The following PRDM5 variants were observed in gnomAD, a reference collection of about 807,000 sequenced individuals.
The protein encoded by PRDM5 is PR/SET domain 5, also known as PR domain zinc finger protein 5.
PRDM5 carries 56 observed loss-of-function variants against 81.2 expected under a neutral mutation model. The ratio of observed to expected loss-of-function variants is 0.69; its 90% CI spans 0.56 to 0.86. PRDM5 has a LOEUF of 0.86. Among genes scored for constraint, PRDM5 ranks in the 40% least tolerant of loss-of-function variants. PRDM5 has a pLI of 0.00. For missense variants in PRDM5, 697 were observed against 770.1 expected (o/e 0.91, Z 1.12); for synonymous variants, 267 against 256.4 (o/e 1.04, Z -0.39).
Position 120,798,251 on chromosome 4 carries a change from T to C in PRDM5, c.1188+16A>G, listed in dbSNP as rs373355801. 3 of 1,479,932 alleles carry C rather than the reference T, an allele frequency of 2.0e-6. No homozygotes were observed. Among genetic ancestry groups the C allele is most frequent in the Non-Finnish European group, 2.7e-6 (3 of 1,102,416 alleles). The allele number at this position is 1,479,932 out of a possible 1,614,324, so 91.7% of individuals were successfully genotyped here. A position where few individuals can be genotyped will look rare whatever the true frequency, so the allele number is the denominator to read the frequency against. On this transcript the variant is annotated intron_variant, in intron 10 of 15. Coordinates refer to ENST00000264808, the MANE Select transcript of PRDM5 (RefSeq NM_018699.4). The stretch of plus-strand genomic sequence containing the variant: ...GCAAATTCATAAAAAATAATAATAA[T>C]ATTAATAAGTTTTACCTTCTTATGA...
chr4:120,827,050 C>T (rs1227062691), intron 3 of PRDM5, among the ~76,000 whole-genome samples: 1 of 152,132 alleles, frequency 6.6e-6, no homozygotes, highest in Non-Finnish European at 1.5e-5. Context: ...GTCAACAAAT[C>T]TACAAAGTGA....
In PRDM5 at chr4:120,791,811, C is replaced by T. The variant is rs555009039; in HGVS notation, c.1188+6456G>A. Among the ~76,000 whole-genome samples, 19 of 152,292 alleles carry T rather than the reference C, an allele frequency of 1.2e-4. 1 individual carries two copies. In the East Asian group the frequency reaches 2.9e-3, roughly 23 times the overall value. On this transcript the variant is annotated intron_variant, in intron 10 of 15. Coordinates refer to ENST00000264808, the MANE Select transcript of PRDM5 (RefSeq NM_018699.4). The stretch of plus-strand genomic sequence containing the variant: ...GGGACCTCTAGGAAGTAATTAGGTT[C>T]TAAGGGTGGACGCTTTGTGAACTGG...
intron 11 of PRDM5, among the ~76,000 whole-genome samples, chr4:120,783,768 G>A (rs978927943): frequency 1.3e-5 from 2 of 152,082 alleles, no homozygotes; most frequent in African/African-American, 4.8e-5. Context: ...TAAGCTGAAT[G>A]CAGAATGACC....
intron 3 of PRDM5, among the ~76,000 whole-genome samples, chr4:120,821,827 C>T (rs1755319397): frequency 6.6e-6 from 1 of 151,448 alleles, no homozygotes; most frequent in Non-Finnish European, 1.5e-5. Context: ...TTACTGAAAC[C>T]TGGTCCCGAA....
At chr4:120,697,668 C>CTTT (rs1734691599) in intron 15 of PRDM5, among the ~76,000 whole-genome samples, 5 of 42,858 alleles carry the variant, frequency 1.2e-4, no homozygotes, top group Non-Finnish European at 3.4e-4. Flanking sequence ...GCCCAGCTAA[C>CTTT]TATTTTTTTT....
At position 120,705,824 on chromosome 4, in the gene PRDM5, G is replaced by A. The variant is rs573865908; in HGVS notation, c.1728+4485C>T. Among the ~76,000 whole-genome samples, 14 of 152,290 alleles carry A rather than the reference G, an allele frequency of 9.2e-5. No homozygotes were observed. The South Asian group carries it at 2.9e-3, about 32-fold the overall frequency. ...GAGAGAGAGCAGTTAAAAAGATATTGCAATATTCCAGGAGACTGAGATAAA... is the reference window on the plus strand; with the variant it reads ...GAGAGAGAGCAGTTAAAAAGATATTACAATATTCCAGGAGACTGAGATAAA... On this transcript the variant is annotated intron_variant, in intron 15 of 15. Transcript: ENST00000264808.
At position 120,912,396 on chromosome 4, in the gene PRDM5, G is replaced by A. The variant is rs113858515; in HGVS notation, c.94-4839C>T. 1.1e-3 allele frequency among the ~76,000 whole-genome samples: 168 copies of A among 152,232 alleles called. 2 individuals carry two copies. In the South Asian group the frequency reaches 0.014, roughly 12 times the overall value. On this transcript the variant is annotated intron_variant, in intron 1 of 15. Transcript: ENST00000264808. ...CAGACTGCAGGAATTATAGAAGATAGAGAAACAAGTTAAATAAAGCCCTGG... is the reference window on the plus strand; with the variant it reads ...CAGACTGCAGGAATTATAGAAGATAAAGAAACAAGTTAAATAAAGCCCTGG...
rs1309680813 is a variant in PRDM5, at chr4:120,818,425, G to A, written c.578C>T (p.Pro193Leu). The A allele has an allele frequency of 1.2e-6, 2 of 1,613,926 alleles. No homozygotes were observed. The highest frequency in any genetic ancestry group is 4.5e-5 in the East Asian group (2 of 44,858). Reference protein sequence around the residue: ...AEHLQTLHQKPTEEKEFKCKN... With the variant: ...AEHLQTLHQKLTEEKEFKCKN... Reference sequence around the variant, plus strand: ...GCACTTAAATTCTTTCTCCTCTGTGGGTTTCTGGTGCAATGTCTGGAGATG... The same window carrying A: ...GCACTTAAATTCTTTCTCCTCTGTGAGTTTCTGGTGCAATGTCTGGAGATG... Residue 193 changes from proline (P) to leucine (L), a missense_variant, in exon 5 of 16, where the codon CCC becomes CTC. By Grantham distance (98) the Pro-to-Leu change is moderately conservative. Around this residue, in one of 3 missense-constraint regions of PRDM5, gnomAD observed 577 missense variants for 606.7 expected, o/e 0.95. Transcript: ENST00000264808.
At chr4:120,773,551 T>TA (rs1403875522) in intron 13 of PRDM5, among the ~76,000 whole-genome samples, 1 of 152,128 alleles carries the variant, frequency 6.6e-6, no homozygotes, top group Non-Finnish European at 1.5e-5. Context: ...CACGCATGGG[T>TA]AAAAGATCAT....
chr4:120,843,416 C>G (rs946481742), intron 3 of PRDM5, among the ~76,000 whole-genome samples: 8 of 151,900 alleles, frequency 5.3e-5, no homozygotes, highest in African/African-American at 1.9e-4. Flanking sequence ...AAAAGGTGCT[C>G]TATAGGCCAG....
intron 14 of PRDM5, among the ~76,000 whole-genome samples, chr4:120,744,355 A>G (rs1489343564): frequency 6.6e-6 from 1 of 152,206 alleles, no homozygotes; most frequent in Non-Finnish European, 1.5e-5. Flanking sequence ...ACACCCTAAC[A>G]TCACAATTAA....
intron 12 of PRDM5, among the ~76,000 whole-genome samples, chr4:120,778,209 T>C (rs1233351474): frequency 6.6e-6 from 1 of 152,154 alleles, no homozygotes; most frequent in Non-Finnish European, 1.5e-5. Flanking sequence ...AAAGTATTAA[T>C]GTTATCATCT....
At chr4:120,809,623 T>C (rs1003659338) in intron 8 of PRDM5, among the ~76,000 whole-genome samples, 4 of 152,156 alleles carry the variant, frequency 2.6e-5, no homozygotes, top group Non-Finnish European at 2.9e-5. Context: ...TTATAGGAGA[T>C]AATAAATAGT....
intron 14 of PRDM5, among the ~76,000 whole-genome samples, chr4:120,741,575 G>A (rs1404621484): frequency 6.6e-6 from 1 of 151,920 alleles, no homozygotes; most frequent in Non-Finnish European, 1.5e-5. Context: ...TGCGCGCACT[G>A]TGCACGAGCC....
At chr4:120,921,740 T>C (rs549800215) in intron 1 of PRDM5, among the ~76,000 whole-genome samples, 4 of 152,340 alleles carry the variant, frequency 2.6e-5, no homozygotes, top group East Asian at 1.9e-4. Flanking sequence ...CCTCTCTTCC[T>C]AGGCCTTTGC....
chr4:120,914,101 G>A (rs955428577), intron 1 of PRDM5, among the ~76,000 whole-genome samples: 5 of 151,914 alleles, frequency 3.3e-5, no homozygotes, highest in Admixed American at 6.6e-5. Context: ...TTAGACCCAC[G>A]CTCTGTGTTC....
At position 120,907,737 on chromosome 4, in the gene PRDM5, T is replaced by C. The variant is rs527768733; in HGVS notation, c.94-180A>G. 6.6e-5 allele frequency among the ~76,000 whole-genome samples: 10 copies of C among 152,372 alleles called. No individual in the cohort carries two copies. The East Asian group carries it at 1.7e-3, about 26-fold the overall frequency. On this transcript the variant is annotated intron_variant, in intron 1 of 15. Coordinates refer to ENST00000264808, the MANE Select transcript of PRDM5 (RefSeq NM_018699.4). ...TTTATTTACAATCCAACTTAATCTGTTTTTAGCCTAAAACGCTAAATCCAC... is the reference window on the plus strand; with the variant it reads ...TTTATTTACAATCCAACTTAATCTGCTTTTAGCCTAAAACGCTAAATCCAC...
chr4:120,783,562 A>T (rs1372033847), intron 11 of PRDM5, among the ~76,000 whole-genome samples: 1 of 152,142 alleles, frequency 6.6e-6, no homozygotes, highest in Non-Finnish European at 1.5e-5. Context: ...CCATATTTCA[A>T]TAGTATGAAT....
At chr4:120,742,392 GC>G (rs1742171513) in intron 14 of PRDM5, among the ~76,000 whole-genome samples, 1 of 152,242 alleles carries the variant, frequency 6.6e-6, no homozygotes, top group Non-Finnish European at 1.5e-5. Flanking sequence ...CCAAAGGAAT[GC>G]AGCTCCTCAC....
Sources: allele counts gnomAD v4.1 joint callset (sites outside exome capture counted in the v4.1 genomes callset), GRCh38; gene constraint gnomAD v4.1.1; regional missense constraint gnomAD v4.1.1; transcripts MANE v1.5; gene names NCBI Gene and HGNC (gene_info 2026-07-23, HGNC 2026-07-21).